USP43: variants seen among roughly 807,000 people sequenced by gnomAD.
USP43 encodes the protein ubiquitin specific peptidase 43.
USP43 carries 33 observed loss-of-function variants against 90.7 expected under a neutral mutation model. That is an observed-to-expected ratio of 0.36 (90% CI 0.28 to 0.49). USP43 has a LOEUF of 0.49. Ranked by LOEUF, USP43 falls within the 20% of genes least tolerant of loss-of-function variation. The probability of loss-of-function intolerance (pLI) is 0.98; values close to 1 mark genes in which losing one functional copy is unlikely to be tolerated. For synonymous variants in USP43, 598 were observed against 615.8 expected (o/e 0.97, Z 0.43); for missense variants, 1,274 against 1,476.4 (o/e 0.86, Z 2.25).
chr17:9,702,726 G>A (rs1468812906), intron 12 of USP43, among the ~76,000 whole-genome samples: 10 of 152,154 alleles, frequency 6.6e-5, no homozygotes, highest in African/African-American at 1.7e-4. Context: ...TGGTAGCTGC[G>A]GCAATTGAGT....
intron 2 of USP43, among the ~76,000 whole-genome samples, chr17:9,664,521 G>A (rs531567652): frequency 6.6e-6 from 1 of 152,204 alleles, no homozygotes; most frequent in African/African-American, 2.4e-5. Context: ...TGGTATTCAA[G>A]TTTCATGGTG....
intron 14 of USP43, among the ~76,000 whole-genome samples, chr17:9,721,897 A>ATTTTT (rs375545876): frequency 7.3e-6 from 1 of 136,980 alleles, no homozygotes; most frequent in East Asian, 2.2e-4. Flanking sequence ...CACCCAGCTA[A>ATTTTT]TTTTTTTTTT....
At chr17:9,688,500 G>A (rs532183313) in intron 8 of USP43, among the ~76,000 whole-genome samples, 9 of 151,570 alleles carry the variant, frequency 5.9e-5, no homozygotes, top group Non-Finnish European at 1.0e-4. Context: ...ACAGGCAAGC[G>A]CCACCACACC....
chr17:9,663,129 A>G (rs960689559), intron 2 of USP43, among the ~76,000 whole-genome samples: 1 of 151,730 alleles, frequency 6.6e-6, no homozygotes. Context: ...TATGTTTTAT[A>G]TATATATATA....
In USP43 at chr17:9,706,631, A is replaced by ATT. The variant is rs34165346; in HGVS notation, c.2012-3296_2012-3295dup. Among the ~76,000 whole-genome samples, 627 of 84,496 alleles carry ATT rather than the reference A, an allele frequency of 7.4e-3. 41 individuals carry two copies. The highest frequency in any genetic ancestry group is 9.9e-3 in the Non-Finnish European group (444 of 44,998). The allele number at this position is 84,496 out of a possible 152,430, so 55.4% of individuals were successfully genotyped here. ...ATGCCATCTGCCCTATCAGATATTA[A>ATT]TTTTTTTTTTTTTTTTTTTTTTTTT... is the stretch of plus-strand genomic sequence containing the variant. On this transcript the variant is annotated intron_variant, in intron 12 of 14. Coordinates refer to ENST00000285199, the MANE Select transcript of USP43 (RefSeq NM_153210.5).
At chr17:9,698,168 C>A (rs1330758283) in intron 9 of USP43, among the ~76,000 whole-genome samples, 1 of 152,138 alleles carries the variant, frequency 6.6e-6, no homozygotes, top group East Asian at 1.9e-4. Flanking sequence ...CCTTTGCCCA[C>A]TTTTTAATAG....
At chr17:9,648,101 T>C (rs1212000143) in intron 1 of USP43, among the ~76,000 whole-genome samples, 2 of 152,182 alleles carry the variant, frequency 1.3e-5, no homozygotes, top group Non-Finnish European at 2.9e-5. Flanking sequence ...CCTATCTCTC[T>C]CCCGCTGTCA....
intron 5 of USP43, among the ~76,000 whole-genome samples, chr17:9,679,790 G>A (rs1012883099): frequency 1.3e-5 from 2 of 151,884 alleles, no homozygotes; most frequent in African/African-American, 2.4e-5. Context: ...GGGCAGTCAG[G>A]GCCCCCACAG....
chr17:9,703,365 A>C (rs1915685627), intron 12 of USP43, among the ~76,000 whole-genome samples: 1 of 152,160 alleles, frequency 6.6e-6, no homozygotes, highest in Admixed American at 6.5e-5. Context: ...CACAGCAGGG[A>C]GTTAGAAGTA....
intron 14 of USP43, among the ~76,000 whole-genome samples, chr17:9,727,618 T>C (rs1917340559): frequency 6.6e-6 from 1 of 152,072 alleles, no homozygotes; most frequent in Non-Finnish European, 1.5e-5. Context: ...TTCCGTTTCA[T>C]AGGAATATTT....
chr17:9,725,962 G>A (rs146984337), intron 14 of USP43, among the ~76,000 whole-genome samples: 27 of 152,236 alleles, frequency 1.8e-4, no homozygotes, highest in African/African-American at 5.8e-4. Context: ...CCCGAGGGCT[G>A]GGAATTTAAT....
chr17:9,711,187 C>T (rs1349550019), intron 13 of USP43, among the ~76,000 whole-genome samples: 1 of 152,116 alleles, frequency 6.6e-6, no homozygotes, highest in Non-Finnish European at 1.5e-5. Flanking sequence ...TTTGGTTTCC[C>T]TAAACTTGGG....
chr17:9,688,611 A>G lies in USP43; in HGVS notation c.1353+1702A>G, dbSNP rs552495821. The stretch of plus-strand genomic sequence containing the variant: ...TGATCCTCCCACTTCAACCTCCCAA[A>G]GTGCTGGGATTACAGGCGTGAGCCA... On this transcript the variant is annotated intron_variant, in intron 8 of 14. Coordinates refer to ENST00000285199, the MANE Select transcript of USP43 (RefSeq NM_153210.5). Among the ~76,000 whole-genome samples, 12 of 151,864 alleles carry G rather than the reference A, an allele frequency of 7.9e-5. No homozygotes were observed. In the South Asian group the frequency reaches 2.3e-3, roughly 29 times the overall value.
intron 3 of USP43, among the ~76,000 whole-genome samples, chr17:9,671,530 G>A (rs1400314518): frequency 2.0e-5 from 3 of 152,220 alleles, no homozygotes; most frequent in Non-Finnish European, 4.4e-5. Context: ...AGAGTGACAA[G>A]AAATTCAGGG....
chr17:9,704,015 C>T (rs914056179), intron 12 of USP43, among the ~76,000 whole-genome samples: 5 of 152,170 alleles, frequency 3.3e-5, no homozygotes, highest in African/African-American at 1.2e-4. Flanking sequence ...CCTGGTGGGA[C>T]ATAAAGTCCT....
chr17:9,681,173 C>G (rs868607292), intron 6 of USP43, among the ~76,000 whole-genome samples: 19 of 65,988 alleles, frequency 2.9e-4, no homozygotes, highest in African/African-American at 1.5e-3. Flanking sequence ...ATAATATATA[C>G]TATATAATAT....
rs1242235358 is a variant in USP43, at chr17:9,702,214, A to C, written c.2011+514A>C. 2.6e-5 allele frequency among the ~76,000 whole-genome samples: 4 copies of C among 152,250 alleles called. No individual in the cohort carries two copies. The South Asian group carries it at 8.3e-4, about 32-fold the overall frequency. On this transcript the variant is annotated intron_variant, in intron 12 of 14. Coordinates refer to ENST00000285199, the MANE Select transcript of USP43 (RefSeq NM_153210.5). ...CCGTCTCTACAAAAAAAATGAAAAAAAAAAATGAGCTAGGCATTGTGGCTT... is the reference window on the plus strand; with the variant it reads ...CCGTCTCTACAAAAAAAATGAAAAACAAAAATGAGCTAGGCATTGTGGCTT...
At chr17:9,670,699 G>A (rs1194006691) in intron 3 of USP43, among the ~76,000 whole-genome samples, 1 of 152,148 alleles carries the variant, frequency 6.6e-6, no homozygotes, top group Admixed American at 6.5e-5. Context: ...GGCGTGGGAT[G>A]AATCGGGGGT....
At chr17:9,721,879 C>T (rs533565050) in intron 14 of USP43, among the ~76,000 whole-genome samples, 3 of 149,784 alleles carry the variant, frequency 2.0e-5, no homozygotes, top group South Asian at 2.1e-4. Context: ...GACAGGTGCC[C>T]GCCACCACAC....
Sources: gnomAD v4.1 joint callset for allele counts (sites outside exome capture counted in the v4.1 genomes callset) on GRCh38, gnomAD v4.1.1 for gene constraint, MANE v1.5 for transcripts, NCBI Gene and HGNC (gene_info 2026-07-23, HGNC 2026-07-21) for gene names.